MAML2: variants seen among roughly 807,000 people sequenced by gnomAD.
MAML2 encodes the protein mastermind like transcriptional coactivator 2, also known as mastermind-like protein 2.
In MAML2, 22 loss-of-function variants were observed where a neutral mutation model predicts 96.1. The observed-to-expected ratio is 0.23, with a 90% confidence interval of 0.16 to 0.33. MAML2 has a LOEUF of 0.33. Ranked by LOEUF, MAML2 falls within the 10% of genes least tolerant of loss-of-function variation. MAML2 has a pLI of 1.00. For missense variants in MAML2, 1,367 were observed against 1,392.4 expected (o/e 0.98, Z 0.29); for synonymous variants, 561 against 521.3 (o/e 1.08, Z -1.04).
At chr11:95,985,967 T>C (rs1465626207) in intron 3 of MAML2, among the ~76,000 whole-genome samples, 2 of 152,142 alleles carry the variant, frequency 1.3e-5, no homozygotes, top group Non-Finnish European at 2.9e-5. Context: ...AATTTCTAAT[T>C]TTGTCTAAAA....
chr11:96,076,038 T>A (rs1859428769), intron 2 of MAML2, among the ~76,000 whole-genome samples: 1 of 152,222 alleles, frequency 6.6e-6, no homozygotes, highest in South Asian at 2.1e-4. Flanking sequence ...AATTTGTTAA[T>A]ACATTCTCCT....
At chr11:96,122,925 G>A (rs561881939) in intron 1 of MAML2, among the ~76,000 whole-genome samples, 1 of 152,368 alleles carries the variant, frequency 6.6e-6, no homozygotes, top group African/African-American at 2.4e-5. Flanking sequence ...CCACTTGCCT[G>A]ATGGGCATGA....
intron 1 of MAML2, among the ~76,000 whole-genome samples, chr11:96,173,496 C>T (rs1414016705): frequency 6.6e-6 from 1 of 152,084 alleles, no homozygotes; most frequent in Non-Finnish European, 1.5e-5. Flanking sequence ...ACAGAAATGG[C>T]AATTCTGGGG....
rs752538449 is a variant in MAML2 at position 95,991,666 on chromosome 11, A to G, written c.2197T>C (p.Ser733Pro). 2 of 1,613,584 alleles carry G rather than the reference A, an allele frequency of 1.2e-6. No individual in the cohort carries two copies. The highest frequency in any genetic ancestry group is 2.7e-5 in the African/African-American group (2 of 74,890). The change falls in exon 3 of 5, where the codon TCA becomes CCA. Residue 733 changes from serine to proline, a missense_variant. Physicochemically the swap from Ser to Pro is moderately conservative, Grantham distance 74 (BLOSUM62 -1). Transcript: ENST00000524717. ...TGPSPSPNPC[S>P]NPNTGSGYMN... ...TAACCACTTCCAGTGTTTGGATTTG[A>G]GCAGGGGTTAGGACTTGGACTGGGG...
chr11:96,207,975 C>T (rs1861917629), intron 1 of MAML2, among the ~76,000 whole-genome samples: 3 of 152,162 alleles, frequency 2.0e-5, no homozygotes, highest in Non-Finnish European at 4.4e-5. Context: ...CTGTTTTCTC[C>T]ATACTAACAC....
In MAML2 at chr11:96,070,269, G is replaced by A. The variant is rs540768864; in HGVS notation, c.2139+21623C>T. Among the ~76,000 whole-genome samples the A allele has an allele frequency of 3.7e-3, 567 of 152,154 alleles. 2 individuals are homozygous for A. Among genetic ancestry groups the A allele is most frequent in the African/African-American group, 0.013 (547 of 41,516 alleles). ...GGCGCCACTGCACTCCAGCCTGGGC[G>A]ACACAGCGAGACTCCGTTTCAATAA... is the stretch of plus-strand genomic sequence containing the variant. On this transcript the variant is annotated intron_variant, in intron 2 of 4. Coordinates refer to ENST00000524717, the MANE Select transcript of MAML2 (RefSeq NM_032427.4).
intron 2 of MAML2, among the ~76,000 whole-genome samples, chr11:96,027,341 G>T (rs909617901): frequency 1.3e-5 from 2 of 152,202 alleles, no homozygotes; most frequent in African/African-American, 2.4e-5. Flanking sequence ...CAGTTTTACA[G>T]ATGAGGAAGC....
intron 2 of MAML2, among the ~76,000 whole-genome samples, chr11:96,047,089 C>T (rs940973431): frequency 7.9e-5 from 12 of 152,266 alleles, no homozygotes; most frequent in African/African-American, 2.9e-4. Flanking sequence ...CTTCTTTTTA[C>T]ATGTCTAAGT....
At chr11:96,306,662 T>G (rs2136001697) in intron 1 of MAML2, among the ~76,000 whole-genome samples, 1 of 152,322 alleles carries the variant, frequency 6.6e-6, no homozygotes, top group East Asian at 1.9e-4. Flanking sequence ...CAGTCTAAAT[T>G]GAAAAGAAAC....
intron 1 of MAML2, among the ~76,000 whole-genome samples, chr11:96,309,551 T>G (rs1281223443): frequency 6.6e-6 from 1 of 152,166 alleles, no homozygotes; most frequent in Non-Finnish European, 1.5e-5. Context: ...AGGCAGGTTT[T>G]GCTACATCAC....
chr11:96,228,693 A>G (rs1862248369), intron 1 of MAML2, among the ~76,000 whole-genome samples: 1 of 152,206 alleles, frequency 6.6e-6, no homozygotes, highest in African/African-American at 2.4e-5. Flanking sequence ...AGACCAGACA[A>G]GCCTCATGCG....
At chr11:96,008,243 G>A (rs945797113) in intron 2 of MAML2, among the ~76,000 whole-genome samples, 1 of 364 alleles carries the variant, frequency 2.7e-3, no homozygotes. Flanking sequence ...TGGTTGTATC[G>A]GATTCTAGTT....
chr11:96,170,225 C>A (rs1861264764), intron 1 of MAML2, among the ~76,000 whole-genome samples: 1 of 152,190 alleles, frequency 6.6e-6, no homozygotes, highest in Non-Finnish European at 1.5e-5. Flanking sequence ...TTTTCACAAA[C>A]AAGGGAATCC....
chr11:96,110,715 C>CA (rs998413159), intron 1 of MAML2, among the ~76,000 whole-genome samples: 101 of 150,298 alleles, frequency 6.7e-4, no homozygotes, highest in African/African-American at 8.8e-4. Flanking sequence ...TAAGGAACAA[C>CA]AAAAAAAAAT....
chr11:96,185,649 C>T (rs1252093180), intron 1 of MAML2, among the ~76,000 whole-genome samples: 1 of 152,174 alleles, frequency 6.6e-6, no homozygotes, highest in African/African-American at 2.4e-5. Context: ...GCCTCTCCCC[C>T]AGACCTGCTG....
At chr11:96,149,452 C>T (rs2135875688) in intron 1 of MAML2, among the ~76,000 whole-genome samples, 1 of 138,308 alleles carries the variant, frequency 7.2e-6, no homozygotes, top group South Asian at 2.3e-4. Flanking sequence ...AAGTTTTCAG[C>T]CAGGCGCAGT....
At chr11:96,071,825 G>A (rs1859349491) in intron 2 of MAML2, among the ~76,000 whole-genome samples, 1 of 152,010 alleles carries the variant, frequency 6.6e-6, no homozygotes, top group Non-Finnish European at 1.5e-5. Flanking sequence ...TAACATAGAG[G>A]GATACATTAA....
At chr11:96,014,800 A>G (rs1858317277) in intron 2 of MAML2, among the ~76,000 whole-genome samples, 2 of 152,264 alleles carry the variant, frequency 1.3e-5, no homozygotes, top group South Asian at 4.1e-4. Flanking sequence ...TAAAGGACTT[A>G]AAACTATGTG....
intron 1 of MAML2, among the ~76,000 whole-genome samples, chr11:96,095,968 A>G (rs1484148881): frequency 1.3e-5 from 2 of 152,130 alleles, no homozygotes; most frequent in African/African-American, 4.8e-5. Flanking sequence ...ATGGTCAGCT[A>G]TCACCACATC....
Sources: gnomAD v4.1 joint callset for allele counts (sites outside exome capture counted in the v4.1 genomes callset) on GRCh38, gnomAD v4.1.1 for gene constraint, MANE v1.5 for transcripts, NCBI Gene and HGNC (gene_info 2026-07-23, HGNC 2026-07-21) for gene names.